SFI1: variants seen among roughly 807,000 people sequenced by gnomAD.
SFI1 encodes protein SFI1 homolog.
Under a neutral mutation model 207.5 loss-of-function variants are expected in SFI1, and 195 were observed. The ratio of observed to expected loss-of-function variants is 0.94; its 90% CI spans 0.84 to 1.06. The LOEUF is 1.06. SFI1 is among the 50% of genes least tolerant of loss of function. The probability of loss-of-function intolerance (pLI) is 0.00; values close to 1 mark genes in which losing one functional copy is unlikely to be tolerated. For synonymous variants in SFI1, 630 were observed against 598.9 expected, an observed-to-expected ratio of 1.05 and a Z score of -0.76; for missense variants, 1,634 against 1,588.0, an observed-to-expected ratio of 1.03 and a Z score of -0.49.
At chr22:31,553,392 C>G (rs2060801931) in intron 6 of SFI1, among the ~76,000 whole-genome samples, 3 of 151,400 alleles carry the variant, frequency 2.0e-5, no homozygotes, top group Admixed American at 6.6e-5. Context: ...GAATCTCACT[C>G]TTGCCCAGGC....
At chr22:31,551,358 G>C (rs2060602726) in intron 6 of SFI1, among the ~76,000 whole-genome samples, 2 of 151,988 alleles carry the variant, frequency 1.3e-5, no homozygotes, top group Non-Finnish European at 2.9e-5. Context: ...TCTTCCTTCA[G>C]GCCCATTTAA....
At chr22:31,586,589 T>C (rs1320756487) in intron 14 of SFI1, among the ~76,000 whole-genome samples, 5 of 152,240 alleles carry the variant, frequency 3.3e-5, no homozygotes, top group African/African-American at 1.2e-4. Flanking sequence ...TTGACATGCC[T>C]TTGGATTATG....
chr22:31,553,529 ATTTTTTTTT>A (rs71202096), intron 6 of SFI1, among the ~76,000 whole-genome samples: 6 of 82,626 alleles, frequency 7.3e-5, no homozygotes, highest in African/African-American at 2.2e-4. Context: ...TAATTTTTGT[ATTTTTTTTT>A]TTTTTTTTTT....
At chr22:31,577,577 G>A (rs2063662200) in intron 10 of SFI1, among the ~76,000 whole-genome samples, 1 of 152,050 alleles carries the variant, frequency 6.6e-6, no homozygotes, top group Non-Finnish European at 1.5e-5. Context: ...CCGGCTTCAG[G>A]GGTTTTTAAG....
intron 8 of SFI1, among the ~76,000 whole-genome samples, chr22:31,563,996 A>G (rs543002292): frequency 6.6e-6 from 1 of 152,166 alleles, no homozygotes; most frequent in East Asian, 1.9e-4. Context: ...TGGTATTTCA[A>G]ACATAGAAAC....
Position 31,617,047 on chromosome 22 carries a change from C to A in SFI1, c.3481C>A (p.Leu1161Met). 6.2e-7 allele frequency: 1 copy of A among 1,614,108 alleles called. No homozygotes were observed. The highest frequency in any genetic ancestry group is 8.5e-7 in the Non-Finnish European group (1 of 1,180,032). Residue 1161 changes from leucine to methionine, a missense_variant, in exon 31 of 33, where the codon CTG becomes ATG. Physicochemically the swap from Leu to Met is conservative, Grantham distance 15. Transcript: ENST00000400288. The part of the protein sequence containing the change: ...AELEEIQQQL[L>M]HYQTTKQNLW... The stretch of plus-strand genomic sequence containing the variant: ...ACTTGAGGAGATCCAGCAGCAACTA[C>A]TGCACTACCAGACCACCAAGCAGAA...
chr22:31,600,200 AT>A (rs2067885565), intron 15 of SFI1, among the ~76,000 whole-genome samples: 1 of 152,090 alleles, frequency 6.6e-6, no homozygotes, highest in African/African-American at 2.4e-5. Flanking sequence ...CAACGTTACT[AT>A]TTTTGCTTTA....
chr22:31,598,973 T>C (rs1344872436), intron 15 of SFI1, among the ~76,000 whole-genome samples: 1 of 150,184 alleles, frequency 6.7e-6, no homozygotes, highest in African/African-American at 2.5e-5. Context: ...TTTGTGTTTT[T>C]AGTAGAGACG....
rs748596585 is a variant in SFI1, at chr22:31,561,393, G to T, written c.765+1G>T. ...CAGGGCCCTGAGCCTCCAGGTGCAG[G>T]TGAGTCCAGCAGACGTGGGATTTGG... On this transcript the variant is annotated splice_donor_variant, in intron 8 of 32. Transcript: ENST00000400288. LOFTEE classifies it high-confidence loss of function. 3 of 1,612,586 alleles carry T rather than the reference G, an allele frequency of 1.9e-6. No homozygotes were observed. Among genetic ancestry groups the T allele is most frequent in the Non-Finnish European group, 2.5e-6 (3 of 1,179,460 alleles).
chr22:31,546,916 T>A lies in SFI1; in HGVS notation c.394T>A (p.Trp132Arg), dbSNP rs764483325. 1 of 1,609,730 alleles carries A rather than the reference T, an allele frequency of 6.2e-7. No individual in the cohort carries two copies. Among genetic ancestry groups the A allele is most frequent in the South Asian group, 1.1e-5 (1 of 90,230 alleles). Residue 132 changes from tryptophan to arginine, a missense_variant, in exon 5 of 33, where the codon TGG becomes AGG. Coordinates refer to ENST00000400288, the MANE Select transcript of SFI1 (RefSeq NM_001007467.3). ...GGTCTTCGAAGAATGGAAAGAGGAG[T>A]GGTGGGTTTTCCAGCACGAGTGGAA... ...RKVFEEWKEE[W>R]WVFQHEWKLC...
At position 31,583,868 on chromosome 22, in the gene SFI1, G is replaced by T; in HGVS notation, c.1249-7G>T. 6.2e-7 allele frequency: 1 copy of T among 1,613,150 alleles called. No homozygotes were observed. Among genetic ancestry groups the T allele is most frequent in the Non-Finnish European group, 8.5e-7 (1 of 1,179,210 alleles). The stretch of plus-strand genomic sequence containing the variant: ...TACATTTCCATCTTCTTCCTCCCTT[G>T]CTTTAGCTGCTGCACAGGTTCTGGA... On this transcript the variant is annotated splice_polypyrimidine_tract_variant and splice_region_variant and intron_variant, in intron 12 of 32. Coordinates refer to ENST00000400288, the MANE Select transcript of SFI1 (RefSeq NM_001007467.3).
intron 6 of SFI1, among the ~76,000 whole-genome samples, chr22:31,555,546 C>T (rs984108799): frequency 6.6e-5 from 10 of 152,274 alleles, no homozygotes; most frequent in Admixed American, 2.6e-4. Flanking sequence ...AGAATCATGG[C>T]AGAGACAGTT....
chr22:31,546,058 G>A (rs1481946739), intron 4 of SFI1, among the ~76,000 whole-genome samples: 1 of 151,210 alleles, frequency 6.6e-6, no homozygotes, highest in Non-Finnish European at 1.5e-5. Context: ...GCTATGCCTG[G>A]CTAATTTTTT....
chr22:31,612,458 T>C (rs1767811765), intron 24 of SFI1: 1 of 144,914 alleles, frequency 6.9e-6, no homozygotes, highest in South Asian at 2.3e-4. Flanking sequence ...GGCTCACGCC[T>C]ATAATCCCAG....
intron 14 of SFI1, 83 bp from the exon 15 acceptor site, chr22:31,589,364 C>A: frequency 1.7e-6 from 2 of 1,204,338 alleles, no homozygotes; most frequent in Non-Finnish European, 2.2e-6. Flanking sequence ...AGGAAGCAAT[C>A]CTCCCACAAG....
At chr22:31,617,142 C>A in intron 31 of SFI1, 64 bp downstream of exon 31, 2 of 1,564,282 alleles carry the variant, frequency 1.3e-6, no homozygotes, top group Non-Finnish European at 8.8e-7. Context: ...GAGAGGTGGG[C>A]AGGCAGTTCC....
In SFI1 at chr22:31,552,042, G is replaced by A. The variant is rs575327089; in HGVS notation, c.544+1694G>A. On this transcript the variant is annotated intron_variant, in intron 6 of 32. Transcript: ENST00000400288. Reference sequence around the variant, plus strand: ...GCCTCTTCCACCCTCCCTTCCCCTCGTTTGGAGTCCCCAGTGTCTATTATC... The same window carrying A: ...GCCTCTTCCACCCTCCCTTCCCCTCATTTGGAGTCCCCAGTGTCTATTATC... Among the ~76,000 whole-genome samples, 15 of 152,076 alleles carry A rather than the reference G, an allele frequency of 9.9e-5. No homozygotes were observed. The East Asian group carries it at 2.7e-3, about 27-fold the overall frequency.
chr22:31,609,155 C>T (rs1048939649), intron 22 of SFI1, among the ~76,000 whole-genome samples: 2 of 152,066 alleles, frequency 1.3e-5, no homozygotes, highest in African/African-American at 2.4e-5. Flanking sequence ...TGTGCCACCA[C>T]GCCAGGCTAA....
intron 12 of SFI1, among the ~76,000 whole-genome samples, chr22:31,581,184 GCCTA>G (rs1343627604): frequency 6.6e-6 from 1 of 151,724 alleles, no homozygotes; most frequent in African/African-American, 2.4e-5. Flanking sequence ...CTACTATGTT[GCCTA>G]GGCTGATCTC....
Sources: allele counts gnomAD v4.1 joint callset (sites outside exome capture counted in the v4.1 genomes callset), GRCh38; gene constraint gnomAD v4.1.1; transcripts MANE v1.5; gene names NCBI Gene and HGNC (gene_info 2026-07-23, HGNC 2026-07-21).